GRIN2B: variants seen among roughly 807,000 people sequenced by gnomAD.
GRIN2B encodes glutamate receptor ionotropic, NMDA 2B.
In GRIN2B, 5 loss-of-function variants were observed where a neutral mutation model predicts 114.5. The observed-to-expected ratio is 0.04, with a 90% confidence interval of 0.02 to 0.09. The LOEUF is 0.09. GRIN2B is among the 10% of genes least tolerant of loss of function. The pLI is 1.00. For missense variants in GRIN2B, 1,108 were observed against 1,943.5 expected (o/e 0.57, Z 8.08); for synonymous variants, 787 against 745.1 (o/e 1.06, Z -0.92).
In GRIN2B at chr12:13,616,479, G is replaced by C; in HGVS notation, c.1304C>G (p.Pro435Arg). The change falls in exon 6 of 14, where the codon CCC (proline) becomes CGC (arginine). Residue 435 changes from proline (P) to arginine (R), a missense_variant. Physicochemically the swap from Pro to Arg is moderately radical, Grantham distance 103. Transcript: ENST00000609686. ...CTCAGTGACTATGCGTTTTTGGCAG[G>C]GGACTGTGTTCCTCATGCAGGTTCC... Reference protein sequence around the residue: ...LSGTCMRNTVPCQKRIVTENK... With the variant: ...LSGTCMRNTVRCQKRIVTENK... 1 of 1,613,794 alleles carries C rather than the reference G, an allele frequency of 6.2e-7. No individual in the cohort carries two copies. The highest frequency in any genetic ancestry group is 8.5e-7 in the Non-Finnish European group (1 of 1,179,900).
intron 3 of GRIN2B, among the ~76,000 whole-genome samples, chr12:13,804,883 T>G (rs937254683): frequency 2.0e-5 from 3 of 152,142 alleles, no homozygotes; most frequent in Admixed American, 6.6e-5. Context: ...TCTTGAGGGC[T>G]TGGGTTAGTG....
chr12:13,776,668 G>A (rs1461855127), intron 3 of GRIN2B, among the ~76,000 whole-genome samples: 3 of 152,146 alleles, frequency 2.0e-5, no homozygotes, highest in Non-Finnish European at 4.4e-5. Context: ...AAGCAAGTGT[G>A]TGGGATTTGG....
At chr12:13,736,982 A>T (rs1423307765) in intron 4 of GRIN2B, among the ~76,000 whole-genome samples, 1 of 140,556 alleles carries the variant, frequency 7.1e-6, no homozygotes, top group African/African-American at 2.6e-5. Context: ...ATGAGCAGAG[A>T]TTGCACCATT....
intron 2 of GRIN2B, among the ~76,000 whole-genome samples, chr12:13,916,712 T>TACAC (rs1156830012): frequency 0.035 from 3,413 of 96,850 alleles, 63 homozygotes; most frequent in African/African-American, 0.066. Context: ...CATATACATA[T>TACAC]ACACACACAC....
At chr12:13,936,756 A>G (rs1867136234) in intron 2 of GRIN2B, among the ~76,000 whole-genome samples, 1 of 152,188 alleles carries the variant, frequency 6.6e-6, no homozygotes, top group Non-Finnish European at 1.5e-5. Flanking sequence ...TATGTCTTAA[A>G]AAGTACAGAA....
intron 2 of GRIN2B, among the ~76,000 whole-genome samples, chr12:13,926,920 T>TCACTA (rs1203502141): frequency 6.9e-6 from 1 of 145,686 alleles, no homozygotes; most frequent in Non-Finnish European, 1.5e-5. Flanking sequence ...ACCACTGCAC[T>TCACTA]CCAGCCTGGG....
intron 2 of GRIN2B, among the ~76,000 whole-genome samples, chr12:13,880,211 G>C (rs1459664254): frequency 1.3e-5 from 2 of 152,178 alleles, no homozygotes; most frequent in Non-Finnish European, 2.9e-5. Flanking sequence ...CTGGACTAAA[G>C]AGCACCGAGG....
In GRIN2B at chr12:13,547,981, A is replaced by ATATATTTTTTTTTTTTTT; in HGVS notation, c.*14801_*14802insAAAAAAAAAAAAAATATA. On this transcript the variant is annotated 3_prime_UTR_variant, in exon 14 of 14. Coordinates refer to ENST00000609686, the MANE Select transcript of GRIN2B (RefSeq NM_000834.5). ...TGTGTATATATATATATATATATAT[A>ATATATTTTTTTTTTTTTT]TTTTTTTTTTTTTTCTGAAAGCTAC... 1.5e-5 allele frequency: 1 copy of ATATATTTTTTTTTTTTTT among 68,574 alleles called. No homozygotes were observed. Among genetic ancestry groups the ATATATTTTTTTTTTTTTT allele is most frequent in the African/African-American group, 4.6e-5 (1 of 21,748 alleles). The allele number at this position is 68,574 out of a possible 1,614,324, so 4.2% of individuals were successfully genotyped here. A position where few individuals can be genotyped will look rare whatever the true frequency, so the allele number is the denominator to read the frequency against.
chr12:13,963,817 C>T (rs560897875), intron 2 of GRIN2B, among the ~76,000 whole-genome samples: 2 of 152,250 alleles, frequency 1.3e-5, no homozygotes, highest in African/African-American at 4.8e-5. Context: ...GTAAAAGCCA[C>T]AGCAGTACCA....
chr12:13,796,915 CAA>C (rs1231001865), intron 3 of GRIN2B, among the ~76,000 whole-genome samples: 1 of 152,154 alleles, frequency 6.6e-6, no homozygotes, highest in Non-Finnish European at 1.5e-5. Context: ...ATTCTCACCT[CAA>C]AGATTTTATT....
At chr12:13,885,226 T>G (rs1467136150) in intron 2 of GRIN2B, among the ~76,000 whole-genome samples, 1 of 152,216 alleles carries the variant, frequency 6.6e-6, no homozygotes, top group African/African-American at 2.4e-5. Context: ...GTGTATTTTA[T>G]ATCAATTTCC....
intron 5 of GRIN2B, among the ~76,000 whole-genome samples, chr12:13,654,223 G>A (rs1283548143): frequency 2.6e-5 from 4 of 152,234 alleles, no homozygotes; most frequent in African/African-American, 9.6e-5. Flanking sequence ...TATGATAAGA[G>A]GTGTAATGAG....
chr12:13,626,136 G>A (rs1949563854), intron 5 of GRIN2B, among the ~76,000 whole-genome samples: 1 of 152,144 alleles, frequency 6.6e-6, no homozygotes, highest in African/African-American at 2.4e-5. Context: ...CCTTTGATGT[G>A]CCTTCCTCCA....
At chr12:13,895,203 G>T (rs145792638) in intron 2 of GRIN2B, among the ~76,000 whole-genome samples, 1 of 152,322 alleles carries the variant, frequency 6.6e-6, no homozygotes, top group African/African-American at 2.4e-5. Context: ...CAAAGAACTT[G>T]CTCAGGATCA....
chr12:13,727,508 CATT>C (rs1216432394), intron 4 of GRIN2B, among the ~76,000 whole-genome samples: 1 of 152,170 alleles, frequency 6.6e-6, no homozygotes, highest in African/African-American at 2.4e-5. Context: ...GCTCTTCCCT[CATT>C]AGATGTGACA....
intron 3 of GRIN2B, among the ~76,000 whole-genome samples, chr12:13,810,065 C>T (rs1240782366): frequency 6.6e-6 from 1 of 152,130 alleles, no homozygotes; most frequent in African/African-American, 2.4e-5. Context: ...TTCCTACCCT[C>T]CGGGTTTTTG....
At chr12:13,825,496 T>TTTTTTTTTTTTG (rs375940899) in intron 3 of GRIN2B, among the ~76,000 whole-genome samples, 44 of 122,966 alleles carry the variant, frequency 3.6e-4, no homozygotes, top group African/African-American at 1.1e-3. Flanking sequence ...TATATATATT[T>TTTTTTTTTTTTG]TGTGTGTGTG....
rs1431181901 is a variant in GRIN2B, at chr12:13,541,437, G to A, written c.*21346C>T. 1 of 152,184 alleles carries A rather than the reference G, an allele frequency of 6.6e-6. No homozygotes were observed. Among genetic ancestry groups the A allele is most frequent in the African/African-American group, 2.4e-5 (1 of 41,430 alleles). 9.4% of individuals were successfully genotyped at this position (152,184 alleles called of 1,614,324 possible). On this transcript the variant is annotated 3_prime_UTR_variant, in exon 14 of 14. Transcript: ENST00000609686. ...GTAAATGGAAGTCACATTGTTTTCTGCACATCTTCCAAAGAGTGGATTCCG... is the reference window on the plus strand; with the variant it reads ...GTAAATGGAAGTCACATTGTTTTCTACACATCTTCCAAAGAGTGGATTCCG...
At chr12:13,831,605 G>A (rs532858734) in intron 3 of GRIN2B, among the ~76,000 whole-genome samples, 13 of 152,302 alleles carry the variant, frequency 8.5e-5, no homozygotes, top group African/African-American at 2.2e-4. Context: ...AAGGGAACAC[G>A]TTAGGAATAG....
Sources: gnomAD v4.1 joint callset for allele counts (sites outside exome capture counted in the v4.1 genomes callset) on GRCh38, gnomAD v4.1.1 for gene constraint, MANE v1.5 for transcripts, NCBI Gene and HGNC (gene_info 2026-07-23, HGNC 2026-07-21) for gene names.